NKAIN3: variants seen among roughly 807,000 people sequenced by gnomAD.
NKAIN3 encodes sodium/potassium-transporting ATPase subunit beta-1-interacting protein 3.
In NKAIN3, 25 loss-of-function variants were observed where a neutral mutation model predicts 30.2. The ratio of observed to expected loss-of-function variants is 0.83; its 90% CI spans 0.60 to 1.16. The LOEUF is 1.16. Among genes scored for constraint, NKAIN3 ranks in the 50% most tolerant of loss-of-function variants. NKAIN3 has a pLI of 0.00. For synonymous variants in NKAIN3, 91 were observed against 89.6 expected (o/e 1.02, Z -0.09); for missense variants, 225 against 254.1 (o/e 0.89, Z 0.78).
At chr8:62,424,574 A>G (rs1234114278) in intron 1 of NKAIN3, among the ~76,000 whole-genome samples, 1 of 151,934 alleles carries the variant, frequency 6.6e-6, no homozygotes, top group African/African-American at 2.4e-5. Context: ...TCATCAGGGA[A>G]ATGCAAACCA....
chr8:62,846,979 A>G (rs1430921298), intron 4 of NKAIN3, among the ~76,000 whole-genome samples: 1 of 152,146 alleles, frequency 6.6e-6, no homozygotes, highest in African/African-American at 2.4e-5. Flanking sequence ...TGAAAACAGT[A>G]TGGCAGAAAC....
At chr8:62,997,298 G>A (rs1804139589) in intron 5 of NKAIN3, among the ~76,000 whole-genome samples, 1 of 152,128 alleles carries the variant, frequency 6.6e-6, no homozygotes, top group African/African-American at 2.4e-5. Flanking sequence ...AGACAGGCAG[G>A]TGATAATGGG....
At chr8:62,307,388 C>T (rs1183004678) in intron 1 of NKAIN3, among the ~76,000 whole-genome samples, 1 of 149,786 alleles carries the variant, frequency 6.7e-6, no homozygotes. Flanking sequence ...TTCTCTTTAT[C>T]CCCTCCTCTG....
At chr8:62,539,440 A>G (rs1261609579) in intron 1 of NKAIN3, among the ~76,000 whole-genome samples, 1 of 152,120 alleles carries the variant, frequency 6.6e-6, no homozygotes, top group East Asian at 1.9e-4. Context: ...GAAATTGGCC[A>G]TTTGTTATAG....
chr8:62,811,750 A>G (rs552957403), intron 4 of NKAIN3, among the ~76,000 whole-genome samples: 1 of 151,858 alleles, frequency 6.6e-6, no homozygotes, highest in South Asian at 2.1e-4. Flanking sequence ...GAATTTTGAC[A>G]GTTCTTTATA....
chr8:62,606,457 G>A (rs1340334931), intron 3 of NKAIN3, among the ~76,000 whole-genome samples: 2 of 152,070 alleles, frequency 1.3e-5, no homozygotes, highest in Non-Finnish European at 2.9e-5. Flanking sequence ...GATTCAAAAA[G>A]TATTTCAAGG....
intron 1 of NKAIN3, among the ~76,000 whole-genome samples, 188 bp downstream of exon 1, chr8:62,249,315 T>G (rs1400924280): frequency 6.6e-6 from 1 of 152,176 alleles, no homozygotes; most frequent in African/African-American, 2.4e-5. Flanking sequence ...ACTCGCCAGG[T>G]CGCCCCTGCC....
Position 62,980,282 on chromosome 8 carries a change from TATC to T in NKAIN3, c.*14878_*14880del, listed in dbSNP as rs766408739. On this transcript the variant is annotated 3_prime_UTR_variant, in exon 7 of 7. Coordinates refer to ENST00000623646, the MANE Select transcript of NKAIN3 (RefSeq NM_001304533.3). ...GTCACTTTTTAACTGCCTCACATAC[TATC>T]ATTTCTTTGACAATTCTTTTTAAAG... 3 of 152,246 alleles carry T rather than the reference TATC, an allele frequency of 2.0e-5. No homozygotes were observed. Among genetic ancestry groups the T allele is most frequent in the Non-Finnish European group, 4.4e-5 (3 of 68,042 alleles). The allele number at this position is 152,246 out of a possible 1,614,324, so 9.4% of individuals were successfully genotyped here.
intron 3 of NKAIN3, among the ~76,000 whole-genome samples, chr8:62,687,378 C>T (rs1813831128): frequency 6.6e-6 from 1 of 152,210 alleles, no homozygotes; most frequent in Admixed American, 6.5e-5. Flanking sequence ...CTCTTTCTCC[C>T]AGCGTTGTGT....
chr8:62,801,166 G>A (rs1433713180), intron 4 of NKAIN3, among the ~76,000 whole-genome samples: 1 of 152,228 alleles, frequency 6.6e-6, no homozygotes, highest in African/African-American at 2.4e-5. Flanking sequence ...GCCTGCCTCT[G>A]TAGGCTCCAC....
chr8:62,254,153 CGT>C (rs10629239), intron 1 of NKAIN3, among the ~76,000 whole-genome samples: 11,752 of 136,812 alleles, frequency 0.086, 534 homozygotes, highest in African/African-American at 0.12. Context: ...GCTTGGGTAT[CGT>C]GTGTGTGTGT....
Position 62,973,879 on chromosome 8 carries a change from G to A in NKAIN3, c.*8472G>A, listed in dbSNP as rs551820958. On this transcript the variant is annotated 3_prime_UTR_variant, in exon 7 of 7. Coordinates refer to ENST00000623646, the MANE Select transcript of NKAIN3 (RefSeq NM_001304533.3). The stretch of plus-strand genomic sequence containing the variant: ...AAGGGGTCCAGTTTCAGTTTTCTGC[G>A]TATGGCTAGCTAATTTTCCCAGCAC... 2.1e-4 allele frequency among the ~76,000 whole-genome samples: 32 copies of A among 152,122 alleles called. No homozygotes were observed. Among genetic ancestry groups the A allele is most frequent in the South Asian group, 1.0e-3 (5 of 4,818 alleles).
chr8:62,845,964 C>G lies in NKAIN3; in HGVS notation c.472-72489C>G, dbSNP rs952674929. Among the ~76,000 whole-genome samples, 10 of 152,132 alleles carry G rather than the reference C, an allele frequency of 6.6e-5. No individual in the cohort carries two copies. The South Asian group carries it at 8.3e-4, about 13-fold the overall frequency. Reference sequence around the variant, plus strand: ...GCTTTGTGATTCTAGCTACACAGAACTAACCAGAGACCCCAGTCTTTTTAG... The same window carrying G: ...GCTTTGTGATTCTAGCTACACAGAAGTAACCAGAGACCCCAGTCTTTTTAG... On this transcript the variant is annotated intron_variant, in intron 4 of 6. Coordinates refer to ENST00000623646, the MANE Select transcript of NKAIN3 (RefSeq NM_001304533.3).
At chr8:62,511,055 C>T (rs991813685) in intron 1 of NKAIN3, among the ~76,000 whole-genome samples, 3 of 152,154 alleles carry the variant, frequency 2.0e-5, no homozygotes, top group African/African-American at 7.2e-5. Context: ...GCTCTCAAAC[C>T]TCCAGCACAA....
intron 3 of NKAIN3, among the ~76,000 whole-genome samples, chr8:62,733,424 G>T (rs1256203397): frequency 6.6e-6 from 1 of 152,106 alleles, no homozygotes; most frequent in East Asian, 1.9e-4. Flanking sequence ...AGTTTAATCA[G>T]ATATATATCT....
chr8:62,863,868 A>G (rs1424159463), intron 4 of NKAIN3: 7 of 1,526,552 alleles, frequency 4.6e-6, no homozygotes, highest in Non-Finnish European at 6.4e-6. Flanking sequence ...CCTTTGCAGT[A>G]GTCCGCAGGG....
At chr8:62,805,802 G>A (rs989951953) in intron 4 of NKAIN3, among the ~76,000 whole-genome samples, 9 of 152,106 alleles carry the variant, frequency 5.9e-5, no homozygotes, top group African/African-American at 2.2e-4. Context: ...ATGGACAAAT[G>A]GGATCTAATT....
chr8:62,254,153 CGTGTGTGTGTGTGTGT>C (rs10629239), intron 1 of NKAIN3, among the ~76,000 whole-genome samples: 120 of 137,046 alleles, frequency 8.8e-4, no homozygotes, highest in Admixed American at 3.6e-3. Context: ...GCTTGGGTAT[CGTGTGTGTGTGTGTGT>C]GTGTGTGTGT....
chr8:62,554,839 C>G (rs572355515), intron 1 of NKAIN3, among the ~76,000 whole-genome samples: 1 of 152,250 alleles, frequency 6.6e-6, no homozygotes, highest in Admixed American at 6.5e-5. Flanking sequence ...TCTCCCCACA[C>G]CCCACTTCCA....
Sources: allele counts gnomAD v4.1 joint callset (sites outside exome capture counted in the v4.1 genomes callset), GRCh38; gene constraint gnomAD v4.1.1; transcripts MANE v1.5; gene names NCBI Gene and HGNC (gene_info 2026-07-23, HGNC 2026-07-21).